HIVEP1: variants seen among roughly 807,000 people sequenced by gnomAD.
HIVEP1 encodes the protein zinc finger protein 40.
Under a neutral mutation model 180.0 loss-of-function variants are expected in HIVEP1, and 36 were observed. The ratio of observed to expected loss-of-function variants is 0.20; its 90% CI spans 0.15 to 0.26. HIVEP1 has a LOEUF of 0.26. Among genes scored for constraint, HIVEP1 ranks in the 10% least tolerant of loss-of-function variants. HIVEP1 has a pLI of 1.00. For missense variants in HIVEP1, 3,143 were observed against 3,268.7 expected (o/e 0.96, Z 0.94); for synonymous variants, 1,239 against 1,239.0 (o/e 1.00, Z 0.00).
chr6:12,123,946 G>A lies in HIVEP1; in HGVS notation c.4151G>A (p.Arg1384Lys). The change falls in exon 4 of 9, where the codon AGA becomes AAA. Residue 1384 changes from arginine to lysine, a missense_variant. Arg to Lys is a conservative substitution (Grantham distance 26). Coordinates refer to ENST00000379388, the MANE Select transcript of HIVEP1 (RefSeq NM_002114.4). ...TQTSMEVSDLRSKSFDCGSIT... is the reference protein window; with the variant it reads ...TQTSMEVSDLKSKSFDCGSIT... ...ACGTCAATGGAGGTCTCTGATCTCA[G>A]AAGCAAATCATTCGATTGTGGAAGC... The A allele has an allele frequency of 6.2e-6, 10 of 1,614,116 alleles. No individual in the cohort carries two copies. Among genetic ancestry groups the A allele is most frequent in the Non-Finnish European group, 8.5e-6 (10 of 1,180,008 alleles).
At chr6:12,203,318 C>T in the HIVEP1 span, among the ~76,000 whole-genome samples, 15 of 152,268 alleles carry the variant, frequency 9.9e-5, no homozygotes, top group South Asian at 4.1e-4. Flanking sequence ...ATGCTGGGGT[C>T]GGGTAGACGA....
intron 2 of HIVEP1, among the ~76,000 whole-genome samples, chr6:12,062,692 A>G (rs933894290): frequency 1.3e-5 from 2 of 152,178 alleles, no homozygotes; most frequent in African/African-American, 4.8e-5. Context: ...GGTAGGTACC[A>G]TTTTCTCACC....
At chr6:12,077,805 T>C (rs944938207) in intron 2 of HIVEP1, among the ~76,000 whole-genome samples, 3 of 152,230 alleles carry the variant, frequency 2.0e-5, no homozygotes, top group Non-Finnish European at 4.4e-5. Flanking sequence ...TCCCTCTTCT[T>C]ACTCAAGAGG....
intron 2 of HIVEP1, chr6:12,037,611 A>G: frequency 2.6e-6 from 1 of 388,182 alleles, no homozygotes; most frequent in South Asian, 1.4e-4. Flanking sequence ...AATTTTGTAT[A>G]TGAAATAGAT....
chr6:12,116,556 A>C (rs1775225923), intron 3 of HIVEP1, among the ~76,000 whole-genome samples: 1 of 152,104 alleles, frequency 6.6e-6, no homozygotes, highest in South Asian at 2.1e-4. Context: ...ATAAAAAAAA[A>C]AGTCCTTGAA....
chr6:12,098,991 A>G, intron 3 of HIVEP1, among the ~76,000 whole-genome samples: 1 of 152,186 alleles, frequency 6.6e-6, no homozygotes. Flanking sequence ...GAAGTAGCAA[A>G]TAAGATTCTG....
intron 8 of HIVEP1, 24 bp from the exon 9 acceptor site, chr6:12,163,259 G>T: frequency 6.4e-7 from 1 of 1,565,862 alleles, no homozygotes; most frequent in Non-Finnish European, 8.7e-7. Flanking sequence ...TGTCATAAAA[G>T]GATTGCTCTC....
At chr6:12,051,607 G>A (rs1007021017) in intron 2 of HIVEP1, among the ~76,000 whole-genome samples, 2 of 151,428 alleles carry the variant, frequency 1.3e-5, no homozygotes, top group Admixed American at 6.6e-5. Flanking sequence ...ATAATATATA[G>A]ATAAAATATA....
At chr6:12,033,253 A>C (rs1357861404) in intron 2 of HIVEP1, among the ~76,000 whole-genome samples, 1 of 152,112 alleles carries the variant, frequency 6.6e-6, no homozygotes, top group East Asian at 1.9e-4. Flanking sequence ...TATTAAATGC[A>C]TTTGACTTAT....
chr6:12,009,139 G>A (rs1397865595), upstream of HIVEP1, among the ~76,000 whole-genome samples: 1 of 146,550 alleles, frequency 6.8e-6, no homozygotes, highest in Admixed American at 6.8e-5. Context: ...CGGCGGCGGC[G>A]GCGGCGCTGC....
At chr6:12,022,021 T>C (rs774679598) in intron 2 of HIVEP1, among the ~76,000 whole-genome samples, 2 of 152,196 alleles carry the variant, frequency 1.3e-5, no homozygotes, top group African/African-American at 4.8e-5. Flanking sequence ...ACTCAGGGAA[T>C]TTGTTTACAT....
intron 3 of HIVEP1, among the ~76,000 whole-genome samples, chr6:12,115,152 T>G (rs1261771917): frequency 1.3e-5 from 2 of 152,178 alleles, no homozygotes; most frequent in African/African-American, 4.8e-5. Flanking sequence ...CTCTTGAGCC[T>G]TTTAATCTGT....
At chr6:12,111,192 G>T (rs1291848696) in intron 3 of HIVEP1, among the ~76,000 whole-genome samples, 2 of 152,180 alleles carry the variant, frequency 1.3e-5, no homozygotes, top group Non-Finnish European at 2.9e-5. Context: ...AGTATTGCAA[G>T]AATTAGAAAA....
At chr6:12,165,900 C>T (rs556292647), downstream of HIVEP1, among the ~76,000 whole-genome samples, 24 of 152,306 alleles carry the variant, frequency 1.6e-4, no homozygotes, top group Admixed American at 1.4e-3. Context: ...TTTCAACTTG[C>T]GTATCCTTAT....
chr6:12,123,477 C>T lies in HIVEP1; in HGVS notation c.3682C>T (p.Arg1228Trp), dbSNP rs374500755. The T allele has an allele frequency of 3.1e-5, 50 of 1,613,930 alleles. No homozygotes were observed. Among genetic ancestry groups the T allele is most frequent in the Non-Finnish European group, 3.6e-5 (43 of 1,180,020 alleles). The change falls in exon 4 of 9, where the codon CGG (arginine) becomes TGG (tryptophan). Residue 1228 changes from arginine to tryptophan, a missense_variant. Physicochemically the swap from Arg to Trp is moderately radical, Grantham distance 101. This residue lies in a region of HIVEP1 where 1,357 missense variants were observed against 1,260.5 expected (regional missense o/e 1.08). Coordinates refer to ENST00000379388, the MANE Select transcript of HIVEP1 (RefSeq NM_002114.4). Reference sequence around the variant, plus strand: ...GTTAGGACAGCCCTCAAGACTTGTCCGGCAGCACAACATCCAAGTTCCAGA... The same window carrying T: ...GTTAGGACAGCCCTCAAGACTTGTCTGGCAGCACAACATCCAAGTTCCAGA... ...HVLGQPSRLV[R>W]QHNIQVPEIL...
intron 2 of HIVEP1, chr6:12,020,128 A>G (rs1217260712): frequency 1.4e-5 from 4 of 293,230 alleles, no homozygotes; most frequent in African/African-American, 8.7e-5. Flanking sequence ...ACAGTGTCCG[A>G]CTTGATGGGT....
rs1048970408 is a variant in HIVEP1, at chr6:12,055,217, G to A, written c.41-33967G>A. Reference sequence around the variant, plus strand: ...TCATGATTTTCAGTGGCTCACGCCTGTAATCCCATCACTTTGGGAGGCCAA... The same window carrying A: ...TCATGATTTTCAGTGGCTCACGCCTATAATCCCATCACTTTGGGAGGCCAA... On this transcript the variant is annotated intron_variant, in intron 2 of 8. Coordinates refer to ENST00000379388, the MANE Select transcript of HIVEP1 (RefSeq NM_002114.4). Among the ~76,000 whole-genome samples, 10 of 152,240 alleles carry A rather than the reference G, an allele frequency of 6.6e-5. 1 individual carries two copies. The highest frequency in any genetic ancestry group is 1.5e-4 in the Non-Finnish European group (10 of 68,036).
In HIVEP1 at chr6:12,124,754, A is replaced by T; in HGVS notation, c.4959A>T (p.Thr1653=). The stretch of plus-strand genomic sequence containing the variant: ...CTGCTTACTGTTTTGCTACACTCAC[A>T]TCCCTGCCACAAATACTAGTGACCC... The part of the protein sequence containing the change: ...SVPAYCFATL[T]SLPQILVTQD... Residue 1653 remains threonine, a synonymous_variant, in exon 4 of 9, where the codon ACA becomes ACT. Transcript: ENST00000379388. 1 of 1,614,160 alleles carries T rather than the reference A, an allele frequency of 6.2e-7. No homozygotes were observed. The highest frequency in any genetic ancestry group is 1.3e-5 in the African/African-American group (1 of 75,038).
In HIVEP1 at chr6:12,013,654, C is replaced by T. The variant is rs148776128; in HGVS notation, c.-104+1088C>T. 2.8e-3 allele frequency among the ~76,000 whole-genome samples: 425 copies of T among 152,332 alleles called. 4 individuals are homozygous for T. The highest frequency in any genetic ancestry group is 9.7e-3 in the African/African-American group (404 of 41,578). ...TAAAAGCTTTAAGTTTAACAACGAACGTAGTTAAGCATTCATGCAATTTAT... is the reference window on the plus strand; with the variant it reads ...TAAAAGCTTTAAGTTTAACAACGAATGTAGTTAAGCATTCATGCAATTTAT... On this transcript the variant is annotated intron_variant, in intron 1 of 8. Transcript: ENST00000379388.
Sources: gnomAD v4.1 joint callset for allele counts (sites outside exome capture counted in the v4.1 genomes callset) on GRCh38, gnomAD v4.1.1 for gene constraint, gnomAD v4.1.1 regional missense constraint, MANE v1.5 for transcripts, NCBI Gene and HGNC (gene_info 2026-07-23, HGNC 2026-07-21) for gene names.